Variants in NEO1 observed in about 807,000 individuals in gnomAD.
NEO1 encodes neogenin.
A neutral mutation model predicts 159.7 loss-of-function variants in NEO1; 63 were observed. The observed-to-expected ratio is 0.39, with a 90% CI of 0.32 to 0.49. The LOEUF is 0.49. NEO1 is among the 20% of genes least tolerant of loss of function. The pLI, the probability that NEO1 is intolerant of heterozygous loss-of-function variation, is 0.85. For synonymous variants in NEO1, 633 were observed against 662.0 expected (o/e 0.96, Z 0.67); for missense variants, 1,615 against 1,831.0 (o/e 0.88, Z 2.15).
intron 8 of NEO1, among the ~76,000 whole-genome samples, chr15:73,243,432 C>T (rs1567581653): frequency 1.3e-5 from 2 of 152,172 alleles, no homozygotes; most frequent in Admixed American, 6.5e-5. Flanking sequence ...ATTACTTTCT[C>T]AAGACAGGTA....
At chr15:73,075,519 C>T (rs193024829) in intron 1 of NEO1, among the ~76,000 whole-genome samples, 3 of 152,264 alleles carry the variant, frequency 2.0e-5, no homozygotes, top group Non-Finnish European at 4.4e-5. Flanking sequence ...GGCAGACATG[C>T]ACTTTCAGTT....
chr15:73,296,788 C>G (rs925192426), intron 26 of NEO1, among the ~76,000 whole-genome samples: 1 of 152,112 alleles, frequency 6.6e-6, no homozygotes, highest in African/African-American at 2.4e-5. Context: ...TGTACGCAGT[C>G]TGGATAGGCT....
In NEO1 at chr15:73,236,513, G is replaced by A. The variant is rs1307635640; in HGVS notation, c.1451+7G>A. 5.6e-6 allele frequency: 9 copies of A among 1,613,088 alleles called. No homozygotes were observed. The highest frequency in any genetic ancestry group is 1.3e-5 in the African/African-American group (1 of 75,050). ...CCAAGGAAGGGATTGCTAGGTAAGT[G>A]CCTGTGTGTCTGCAGCCAGTTGGCT... On this transcript the variant is annotated splice_region_variant and intron_variant, in intron 8 of 28. Coordinates refer to ENST00000261908, the MANE Select transcript of NEO1 (RefSeq NM_002499.4).
chr15:73,297,268 T>TA (rs1246871275), intron 26 of NEO1, among the ~76,000 whole-genome samples: 1 of 152,202 alleles, frequency 6.6e-6, no homozygotes, highest in Admixed American at 6.5e-5. Context: ...TCCACCCTGC[T>TA]AGTTCTTAAC....
chr15:73,128,981 C>G (rs962674075), intron 4 of NEO1, among the ~76,000 whole-genome samples: 5 of 152,178 alleles, frequency 3.3e-5, no homozygotes, highest in African/African-American at 1.2e-4. Flanking sequence ...CTGTAGTTCT[C>G]TAGGCTCCTG....
intron 7 of NEO1, 108 bp from the exon 8 acceptor site, chr15:73,236,235 TAAAA>T (rs2039162523): frequency 1.6e-4 from 239 of 1,452,958 alleles, no homozygotes; most frequent in Non-Finnish European, 2.1e-4. Flanking sequence ...TTCTCTTTTT[TAAAA>T]CCGTCGTGGT....
intron 5 of NEO1, among the ~76,000 whole-genome samples, chr15:73,157,115 A>G (rs1319628368): frequency 6.6e-6 from 1 of 152,196 alleles, no homozygotes; most frequent in South Asian, 2.1e-4. Flanking sequence ...AACTCAGTCC[A>G]GGGCCTTAGG....
chr15:73,217,468 A>C (rs1411523784), intron 7 of NEO1, among the ~76,000 whole-genome samples: 14,798 of 151,696 alleles, frequency 0.098, 974 homozygotes, highest in African/African-American at 0.18. Flanking sequence ...TCTGTGAAGA[A>C]AGTCATTGGT....
At chr15:73,113,818 T>A (rs769510501) in intron 1 of NEO1, among the ~76,000 whole-genome samples, 9 of 152,046 alleles carry the variant, frequency 5.9e-5, no homozygotes, top group Non-Finnish European at 8.8e-5. Flanking sequence ...ATATATATAT[T>A]TTTCAGTTTG....
intron 1 of NEO1, among the ~76,000 whole-genome samples, chr15:73,102,258 C>T (rs754786780): frequency 5.9e-5 from 9 of 152,074 alleles, no homozygotes; most frequent in South Asian, 2.1e-4. Flanking sequence ...CACAGCTATT[C>T]GGGAGGCTGA....
chr15:73,257,371 C>G (rs2660827), intron 13 of NEO1, among the ~76,000 whole-genome samples: 98 of 151,284 alleles, frequency 6.5e-4, no homozygotes, highest in African/African-American at 2.3e-3. Flanking sequence ...GTAAAAATGG[C>G]TTTATATTAA....
chr15:73,213,386 A>G (rs151125693), intron 7 of NEO1, among the ~76,000 whole-genome samples: 161 of 152,296 alleles, frequency 1.1e-3, no homozygotes, highest in African/African-American at 3.7e-3. Context: ...ACAGTATACA[A>G]TGCACCATAT....
At chr15:73,072,298 A>G (rs1416913261) in intron 1 of NEO1, among the ~76,000 whole-genome samples, 2 of 151,674 alleles carry the variant, frequency 1.3e-5, no homozygotes, top group Admixed American at 1.3e-4. Flanking sequence ...TAGAATTTGG[A>G]TTGTATTTCA....
rs1238437078 is a variant in NEO1 at position 73,298,373 on chromosome 15, T to A, written c.3927T>A (p.Thr1309=). 1 of 1,614,218 alleles carries A rather than the reference T, an allele frequency of 6.2e-7. No homozygotes were observed. Among genetic ancestry groups the A allele is most frequent in the Admixed American group, 1.7e-5 (1 of 60,022 alleles). ...AATCCGTTCGAAATACCCCCAGCAC[T>A]GACACCATGCCAGCCTCTTCGTCTC... is the stretch of plus-strand genomic sequence containing the variant. ...STESVRNTPS[T]DTMPASSSQT... Residue 1309 remains threonine (T), a synonymous_variant, in exon 27 of 29, where the codon ACT becomes ACA. Coordinates refer to ENST00000261908, the MANE Select transcript of NEO1 (RefSeq NM_002499.4).
intron 7 of NEO1, among the ~76,000 whole-genome samples, chr15:73,223,638 CT>C (rs2150773442): frequency 6.6e-6 from 1 of 152,224 alleles, no homozygotes; most frequent in African/African-American, 2.4e-5. Context: ...CATGCAATGC[CT>C]TTTTCCACCC....
intron 2 of NEO1, 134 bp from the exon 3 acceptor site, chr15:73,122,391 C>A: frequency 1.3e-6 from 1 of 759,400 alleles, no homozygotes. Context: ...TAGCTAATTT[C>A]CATGGACTTT....
intron 23 of NEO1, among the ~76,000 whole-genome samples, chr15:73,287,186 A>G (rs2041980052): frequency 6.6e-6 from 1 of 152,000 alleles, no homozygotes; most frequent in Admixed American, 6.5e-5. Context: ...CTTCTAATAT[A>G]CCACCAGGGC....
intron 7 of NEO1, among the ~76,000 whole-genome samples, chr15:73,198,661 T>A (rs2036678996): frequency 6.6e-6 from 1 of 152,148 alleles, no homozygotes; most frequent in Admixed American, 6.5e-5. Flanking sequence ...TTATTGTTCT[T>A]GCTACTTATT....
intron 1 of NEO1, among the ~76,000 whole-genome samples, chr15:73,101,470 C>G (rs910807639): frequency 3.3e-5 from 5 of 152,210 alleles, no homozygotes; most frequent in Non-Finnish European, 5.9e-5. Context: ...TGTTTGTACT[C>G]TGATCTGCAA....
Sources: gnomAD v4.1 joint callset for allele counts (sites outside exome capture counted in the v4.1 genomes callset) on GRCh38, gnomAD v4.1.1 for gene constraint, MANE v1.5 for transcripts, NCBI Gene and HGNC (gene_info 2026-07-23, HGNC 2026-07-21) for gene names.